Variants in SUGCT observed in about 807,000 individuals in gnomAD.
SUGCT encodes the protein succinyl-CoA:glutarate CoA-transferase.
In SUGCT, 41 loss-of-function variants were observed where a neutral mutation model predicts 55.0. That is an observed-to-expected ratio of 0.74 (90% CI 0.58 to 0.97). SUGCT has a LOEUF of 0.97. Among genes scored for constraint, SUGCT ranks in the 50% least tolerant of loss-of-function variants. The pLI is 0.00. For synonymous variants in SUGCT, 187 were observed against 200.4 expected, an observed-to-expected ratio of 0.93 and a Z score of 0.56; for missense variants, 568 against 547.8, an observed-to-expected ratio of 1.04 and a Z score of -0.37.
the SUGCT span, among the ~76,000 whole-genome samples, chr7:41,035,161 C>G: frequency 6.6e-6 from 1 of 152,206 alleles, no homozygotes; most frequent in Non-Finnish European, 1.5e-5. Flanking sequence ...TTGCCTGGGC[C>G]TCTTATAGCT....
At chr7:40,200,802 A>T (rs1381821469) in intron 6 of SUGCT, among the ~76,000 whole-genome samples, 1 of 152,132 alleles carries the variant, frequency 6.6e-6, no homozygotes, top group Non-Finnish European at 1.5e-5. Context: ...GGCATTGGAG[A>T]TTGAAATGGG....
At chr7:40,522,914 T>C (rs1793617705) in intron 12 of SUGCT, among the ~76,000 whole-genome samples, 1 of 152,104 alleles carries the variant, frequency 6.6e-6, no homozygotes, top group South Asian at 2.1e-4. Flanking sequence ...CCAAAAAATT[T>C]TAGAATTCAG....
At chr7:40,531,641 C>G (rs1187709937) in intron 12 of SUGCT, among the ~76,000 whole-genome samples, 1 of 151,618 alleles carries the variant, frequency 6.6e-6, no homozygotes, top group African/African-American at 2.4e-5. Flanking sequence ...GAGTATGAGA[C>G]AAATATATTT....
intron 12 of SUGCT, among the ~76,000 whole-genome samples, chr7:40,709,140 C>T (rs952818950): frequency 6.6e-6 from 1 of 152,156 alleles, no homozygotes; most frequent in Non-Finnish European, 1.5e-5. Context: ...ATCATGTGAT[C>T]CACCAGTTTT....
chr7:41,027,553 A>G, the SUGCT span, among the ~76,000 whole-genome samples: 1 of 152,206 alleles, frequency 6.6e-6, no homozygotes, highest in Non-Finnish European at 1.5e-5. Context: ...CCAGGAATGG[A>G]AGGGACAAAT....
At chr7:40,989,844 A>T in the SUGCT span, among the ~76,000 whole-genome samples, 1 of 152,212 alleles carries the variant, frequency 6.6e-6, no homozygotes, top group Non-Finnish European at 1.5e-5. Flanking sequence ...GCAGAAATTT[A>T]GTCACTTCTT....
chr7:40,527,419 T>G (rs1169626784), intron 12 of SUGCT, among the ~76,000 whole-genome samples: 1 of 152,224 alleles, frequency 6.6e-6, no homozygotes, highest in Non-Finnish European at 1.5e-5. Flanking sequence ...ACTTTTCTTC[T>G]CTTTCTAACA....
At chr7:40,360,538 G>A (rs1236299249) in intron 9 of SUGCT, among the ~76,000 whole-genome samples, 1 of 152,210 alleles carries the variant, frequency 6.6e-6, no homozygotes, top group Non-Finnish European at 1.5e-5. Context: ...TGCACCTAGA[G>A]AGAAAGTGAA....
rs141835239 is a variant in SUGCT, at chr7:40,729,435, C to T, written c.1090-19999C>T. 8.0e-3 allele frequency among the ~76,000 whole-genome samples: 1,225 copies of T among 152,294 alleles called. 8 individuals are homozygous for T. Among genetic ancestry groups the T allele is most frequent in the Non-Finnish European group, 9.5e-3 (645 of 68,026 alleles). ...GTTCTGAGCTGACCAAATAAAGCTT[C>T]GCTAAAATAGTGCCATTTAAGTAGA... On this transcript the variant is annotated intron_variant, in intron 12 of 13. Coordinates refer to ENST00000335693, the MANE Select transcript of SUGCT (RefSeq NM_001193313.2).
At chr7:40,423,918 C>T (rs1163871937) in intron 9 of SUGCT, among the ~76,000 whole-genome samples, 1 of 151,850 alleles carries the variant, frequency 6.6e-6, no homozygotes, top group Non-Finnish European at 1.5e-5. Flanking sequence ...ATTTCAGGTC[C>T]CTGTTTTCAA....
At chr7:40,812,376 TA>T (rs2128758898) in intron 13 of SUGCT, among the ~76,000 whole-genome samples, 1 of 152,274 alleles carries the variant, frequency 6.6e-6, no homozygotes, top group South Asian at 2.1e-4. Flanking sequence ...TGGTAGTTTT[TA>T]AAATTATTGC....
At chr7:40,238,267 C>A (rs1411360352) in intron 7 of SUGCT, among the ~76,000 whole-genome samples, 2 of 151,912 alleles carry the variant, frequency 1.3e-5, no homozygotes, top group Non-Finnish European at 2.9e-5. Context: ...TTGTCATGTG[C>A]CTTAGATTCT....
intron 8 of SUGCT, among the ~76,000 whole-genome samples, chr7:40,311,974 T>C (rs1795179687): frequency 6.6e-6 from 1 of 152,000 alleles, no homozygotes. Context: ...AACATATAAA[T>C]AATATTGTAG....
At chr7:40,385,604 A>T (rs567165689) in intron 9 of SUGCT, among the ~76,000 whole-genome samples, 1 of 152,342 alleles carries the variant, frequency 6.6e-6, no homozygotes, top group African/African-American at 2.4e-5. Flanking sequence ...TGCTTCTCCC[A>T]TATGCAAAAA....
At chr7:41,017,420 T>C in the SUGCT span, among the ~76,000 whole-genome samples, 1 of 152,218 alleles carries the variant, frequency 6.6e-6, no homozygotes, top group Non-Finnish European at 1.5e-5. Context: ...TCAGTCCCCT[T>C]CTTCACATCA....
At chr7:40,714,787 A>C (rs1785926308) in intron 12 of SUGCT, among the ~76,000 whole-genome samples, 1 of 152,228 alleles carries the variant, frequency 6.6e-6, no homozygotes, top group Non-Finnish European at 1.5e-5. Flanking sequence ...CATGCTAGCC[A>C]AGTCAAACTG....
the SUGCT span, among the ~76,000 whole-genome samples, chr7:40,901,733 G>A: frequency 6.6e-6 from 1 of 152,316 alleles, no homozygotes; most frequent in South Asian, 2.1e-4. Context: ...GAAGGGAAGT[G>A]CCAAATACAT....
At chr7:40,935,881 A>G in the SUGCT span, among the ~76,000 whole-genome samples, 50,023 of 152,022 alleles carry the variant, frequency 0.33, 9,054 homozygotes, top group Admixed American at 0.45. Flanking sequence ...ATGGTTTCCA[A>G]CTTTTCTAGA....
intron 12 of SUGCT, among the ~76,000 whole-genome samples, chr7:40,680,894 C>T (rs981083806): frequency 6.6e-6 from 1 of 152,104 alleles, no homozygotes; most frequent in Non-Finnish European, 1.5e-5. Flanking sequence ...GCACCATGTC[C>T]ACACTTAACA....
Sources: allele counts gnomAD v4.1 joint callset (sites outside exome capture counted in the v4.1 genomes callset), GRCh38; gene constraint gnomAD v4.1.1; transcripts MANE v1.5; gene names NCBI Gene and HGNC (gene_info 2026-07-23, HGNC 2026-07-21).